VIT: variants seen among roughly 807,000 people sequenced by gnomAD.
VIT encodes the protein vitrin.
A neutral mutation model predicts 78.0 loss-of-function variants in VIT; 99 were observed. The observed-to-expected ratio is 1.27, with a 90% CI of 1.08 to 1.50. The LOEUF (loss-of-function observed/expected upper bound fraction) is 1.50, where lower values mean the gene tolerates loss of function less well. VIT is among the 40% of genes most tolerant of loss of function. The probability of loss-of-function intolerance (pLI) is 0.00; values close to 1 mark genes in which losing one functional copy is unlikely to be tolerated. For synonymous variants in VIT, 374 were observed against 334.3 expected, an observed-to-expected ratio of 1.12 and a Z score of -1.29; for missense variants, 1,126 against 875.3, an observed-to-expected ratio of 1.29 and a Z score of -3.61.
At chr2:36,697,521 G>C (rs944919298) in intron 1 of VIT, among the ~76,000 whole-genome samples, 2 of 152,296 alleles carry the variant, frequency 1.3e-5, no homozygotes, top group East Asian at 1.9e-4. Flanking sequence ...TACACTTAAA[G>C]TGTTTTCTTA....
At chr2:36,764,540 C>T (rs1669304988) in intron 6 of VIT, among the ~76,000 whole-genome samples, 1 of 152,198 alleles carries the variant, frequency 6.6e-6, no homozygotes, top group Non-Finnish European at 1.5e-5. Flanking sequence ...CTGCTGTGAG[C>T]TCTTTAGTGA....
At chr2:36,727,548 G>A (rs1666930799) in intron 2 of VIT, among the ~76,000 whole-genome samples, 1 of 152,206 alleles carries the variant, frequency 6.6e-6, no homozygotes, top group South Asian at 2.1e-4. Flanking sequence ...TCAGGTTGGT[G>A]TGGTCAAATT....
At chr2:36,758,901 T>A in intron 5 of VIT, 68 bp from the exon 6 acceptor site, 1 of 1,350,720 alleles carries the variant, frequency 7.4e-7, no homozygotes, top group Non-Finnish European at 1.0e-6. Flanking sequence ...AGAATCAACT[T>A]AGTACAGAAC....
intron 6 of VIT, among the ~76,000 whole-genome samples, chr2:36,761,048 T>C (rs1669087646): frequency 6.6e-6 from 1 of 151,988 alleles, no homozygotes; most frequent in African/African-American, 2.4e-5. Flanking sequence ...CACCCCCTAT[T>C]TTTACCATGA....
intron 12 of VIT, among the ~76,000 whole-genome samples, chr2:36,789,987 C>T (rs1665375532): frequency 6.6e-6 from 1 of 152,162 alleles, no homozygotes; most frequent in African/African-American, 2.4e-5. Flanking sequence ...CTGGAAGATT[C>T]CTTCCTTGGG....
At position 36,814,693 on chromosome 2, in the gene VIT, G is replaced by A. The variant is rs1667440769; in HGVS notation, c.*332G>A. 1 of 207,738 alleles carries A rather than the reference G, an allele frequency of 4.8e-6. No individual in the cohort carries two copies. The highest frequency in any genetic ancestry group is 2.3e-5 in the African/African-American group (1 of 43,662). 12.9% of individuals were successfully genotyped at this position (207,738 alleles called of 1,614,324 possible). ...CGTAGAGCTTTTGTGAGATTTTTAA[G>A]TTGTTATTTCTGATTAGAACTCTGT... is the stretch of plus-strand genomic sequence containing the variant. On this transcript the variant is annotated 3_prime_UTR_variant, in exon 16 of 16. Transcript: ENST00000379242.
At chr2:36,777,819 T>C (rs1394691868) in intron 9 of VIT, among the ~76,000 whole-genome samples, 2 of 152,236 alleles carry the variant, frequency 1.3e-5, no homozygotes, top group Non-Finnish European at 2.9e-5. Flanking sequence ...CTTTGTGTCA[T>C]CTGGAAAATG....
chr2:36,772,723 A>G (rs995455932), intron 7 of VIT, among the ~76,000 whole-genome samples: 2 of 152,218 alleles, frequency 1.3e-5, no homozygotes, highest in Non-Finnish European at 2.9e-5. Flanking sequence ...AAAAATAAAC[A>G]AACAAACAAA....
intron 1 of VIT, among the ~76,000 whole-genome samples, chr2:36,700,140 T>C (rs17019472): frequency 0.18 from 27,353 of 152,154 alleles, 2,998 homozygotes; most frequent in East Asian, 0.46. Context: ...AATAGATTCA[T>C]GGAATTATGT....
rs1352639415 is a variant in VIT at position 36,729,501 on chromosome 2, A to C, written c.118+10A>C. 6.2e-7 allele frequency: 1 copy of C among 1,608,202 alleles called. No individual in the cohort carries two copies. The highest frequency in any genetic ancestry group is 8.5e-7 in the Non-Finnish European group (1 of 1,177,610). Reference sequence around the variant, plus strand: ...AAAAGGCCCAAGTTCAGTAAGTAAAATCACAATTCCTTGCTGGCATAATGC... The same window carrying C: ...AAAAGGCCCAAGTTCAGTAAGTAAACTCACAATTCCTTGCTGGCATAATGC... On this transcript the variant is annotated intron_variant, in intron 3 of 15. Coordinates refer to ENST00000379242, the MANE Select transcript of VIT (RefSeq NM_053276.4).
Position 36,805,570 on chromosome 2 carries a change from C to G in VIT, c.1295C>G (p.Ala432Gly). The G allele has an allele frequency of 6.2e-7, 1 of 1,614,034 alleles. No individual in the cohort carries two copies. Among genetic ancestry groups the G allele is most frequent in the Non-Finnish European group, 8.5e-7 (1 of 1,180,008 alleles). ...AAAGTGGAGGAGGCTTCAAGACTTG[C>G]GAGAGAGTCAGGAATCAACATTTTC... The part of the protein sequence containing the change: ...TDKVEEASRL[A>G]RESGINIFFI... Residue 432 changes from alanine (A) to glycine (G), a missense_variant, in exon 14 of 16, where the codon GCG becomes GGG. Ala to Gly is a moderately conservative substitution (Grantham distance 60). Transcript: ENST00000379242.
At chr2:36,740,552 G>T (rs112577621) in intron 3 of VIT, among the ~76,000 whole-genome samples, 1 of 151,960 alleles carries the variant, frequency 6.6e-6, no homozygotes, top group African/African-American at 2.4e-5. Flanking sequence ...ACACTTTACC[G>T]TGGCTCCCTG....
chr2:36,768,533 C>T (rs567344713), intron 7 of VIT, among the ~76,000 whole-genome samples: 31 of 152,338 alleles, frequency 2.0e-4, no homozygotes, highest in Admixed American at 1.8e-3. Flanking sequence ...CGTAACAACC[C>T]TATGAAGTAG....
intron 10 of VIT, among the ~76,000 whole-genome samples, chr2:36,782,553 G>A (rs181400229): frequency 6.6e-6 from 1 of 152,216 alleles, no homozygotes; most frequent in Non-Finnish European, 1.5e-5. Context: ...TCCTGAAAAC[G>A]GGGAGACTCA....
At chr2:36,724,662 C>G (rs1057284403) in intron 2 of VIT, among the ~76,000 whole-genome samples, 28 of 152,142 alleles carry the variant, frequency 1.8e-4, no homozygotes, top group Non-Finnish European at 2.8e-4. Context: ...CTATTTGTGC[C>G]ATCGAAGATA....
intron 4 of VIT, among the ~76,000 whole-genome samples, chr2:36,744,956 A>G (rs987022575): frequency 4.6e-5 from 7 of 152,146 alleles, no homozygotes; most frequent in African/African-American, 1.7e-4. Context: ...GAAGTCTTAC[A>G]TGTAAGTCTT....
intron 2 of VIT, among the ~76,000 whole-genome samples, chr2:36,719,546 C>A (rs1310137460): frequency 6.6e-6 from 1 of 151,266 alleles, no homozygotes; most frequent in Non-Finnish European, 1.5e-5. Context: ...AATGAACTAT[C>A]TGAAAAAGAA....
chr2:36,727,046 C>G (rs1666898980), intron 2 of VIT, among the ~76,000 whole-genome samples: 1 of 152,142 alleles, frequency 6.6e-6, no homozygotes. Context: ...TGTCCAAATG[C>G]TATCGGAGGT....
At chr2:36,804,563 G>A (rs1323118395) in intron 13 of VIT, among the ~76,000 whole-genome samples, 1 of 152,224 alleles carries the variant, frequency 6.6e-6, no homozygotes, top group Non-Finnish European at 1.5e-5. Flanking sequence ...CAGGCACGGT[G>A]GTTCAAACCT....
Sources: gnomAD v4.1 joint callset for allele counts (sites outside exome capture counted in the v4.1 genomes callset) on GRCh38, gnomAD v4.1.1 for gene constraint, MANE v1.5 for transcripts, NCBI Gene and HGNC (gene_info 2026-07-23, HGNC 2026-07-21) for gene names.